TPD52: variants seen among roughly 807,000 people sequenced by gnomAD.
The protein encoded by TPD52 is prostate and colon associated protein.
TPD52 carries 17 observed loss-of-function variants against 31.3 expected under a neutral mutation model. The observed-to-expected ratio is 0.54, with a 90% CI of 0.37 to 0.82. The LOEUF is 0.82. Ranked by LOEUF, TPD52 falls within the 40% of genes least tolerant of loss-of-function variation. TPD52 has a pLI of 0.00. For missense variants in TPD52, 212 were observed against 240.1 expected (o/e 0.88, Z 0.77); for synonymous variants, 83 against 89.6 (o/e 0.93, Z 0.42).
chr8:80,133,364 C>T (rs544741827), intron 1 of TPD52, among the ~76,000 whole-genome samples: 4 of 152,170 alleles, frequency 2.6e-5, no homozygotes, highest in South Asian at 4.2e-4. Context: ...GGACTGCTAC[C>T]ACCACCCATG....
At chr8:80,043,701 T>C (rs1376523457) in intron 6 of TPD52, among the ~76,000 whole-genome samples, 3 of 152,274 alleles carry the variant, frequency 2.0e-5, no homozygotes, top group East Asian at 3.9e-4. Flanking sequence ...TCTAACTCTC[T>C]AGAGAGGTTA....
At chr8:80,048,354 C>T (rs1306655138) in intron 5 of TPD52, among the ~76,000 whole-genome samples, 1 of 152,216 alleles carries the variant, frequency 6.6e-6, no homozygotes, top group African/African-American at 2.4e-5. Flanking sequence ...GTTGGCAAAA[C>T]TGCTGCATTT....
rs533614221 is a variant in TPD52 at position 80,169,016 on chromosome 8, G to A, written c.19+2409C>T. 2.0e-4 allele frequency among the ~76,000 whole-genome samples: 30 copies of A among 152,240 alleles called. No homozygotes were observed. The South Asian group carries it at 5.8e-3, about 29-fold the overall frequency. On this transcript the variant is annotated intron_variant, in intron 1 of 7. Transcript: ENST00000518937. Reference sequence around the variant, plus strand: ...TGTTTGTTTTTTGAGATAGAGTCTCGCTCTGTCGCCCAGGCTGGAGTGCAG... The same window carrying A: ...TGTTTGTTTTTTGAGATAGAGTCTCACTCTGTCGCCCAGGCTGGAGTGCAG...
chr8:80,160,008 T>G (rs183760656), intron 1 of TPD52, among the ~76,000 whole-genome samples: 1 of 152,004 alleles, frequency 6.6e-6, no homozygotes, highest in African/African-American at 2.4e-5. Flanking sequence ...CTGGGCAACA[T>G]AGTAAGACCT....
chr8:80,050,370 A>G, intron 5 of TPD52, 75 bp downstream of exon 5: 2 of 1,428,942 alleles, frequency 1.4e-6, no homozygotes, highest in South Asian at 1.3e-5. Flanking sequence ...CATCCAACGT[A>G]GCATGGTAAT....
At chr8:80,103,386 T>C (rs1261281962) in intron 1 of TPD52, among the ~76,000 whole-genome samples, 1 of 152,262 alleles carries the variant, frequency 6.6e-6, no homozygotes, top group Non-Finnish European at 1.5e-5. Flanking sequence ...GTGTTGCTTC[T>C]GCAAATACTT....
At chr8:80,157,909 G>A (rs1478476552) in intron 1 of TPD52, among the ~76,000 whole-genome samples, 3 of 152,108 alleles carry the variant, frequency 2.0e-5, no homozygotes, top group African/African-American at 7.2e-5. Context: ...TGCATTAAAA[G>A]CATCTTAACT....
At chr8:80,060,030 A>C (rs1469268263) in intron 2 of TPD52, among the ~76,000 whole-genome samples, 2 of 151,236 alleles carry the variant, frequency 1.3e-5, no homozygotes, top group Non-Finnish European at 2.9e-5. Flanking sequence ...GCAGTGTGCC[A>C]AGACTGCTGC....
At chr8:80,137,953 C>CT (rs939799830) in intron 1 of TPD52, among the ~76,000 whole-genome samples, 15 of 148,654 alleles carry the variant, frequency 1.0e-4, no homozygotes, top group Non-Finnish European at 3.0e-5. Flanking sequence ...TTTTTTTTTT[C>CT]TTTTTTTTGA....
intron 1 of TPD52, among the ~76,000 whole-genome samples, chr8:80,158,275 AC>A (rs2131238320): frequency 6.6e-6 from 1 of 150,710 alleles, no homozygotes; most frequent in African/African-American, 2.4e-5. Context: ...CTCCTCTTCA[AC>A]CCCAACCCAA....
At chr8:80,157,754 C>T (rs1811072167) in intron 1 of TPD52, among the ~76,000 whole-genome samples, 1 of 152,182 alleles carries the variant, frequency 6.6e-6, no homozygotes, top group Non-Finnish European at 1.5e-5. Context: ...TCATACCACC[C>T]AGGGAAAGTA....
At chr8:80,055,470 CAT>C (rs1234269576) in intron 2 of TPD52, among the ~76,000 whole-genome samples, 3 of 151,998 alleles carry the variant, frequency 2.0e-5, no homozygotes, top group African/African-American at 7.2e-5. Context: ...TAGAAGAAAA[CAT>C]AGGAGAAACA....
chr8:80,147,394 C>A (rs1483111894), intron 1 of TPD52, among the ~76,000 whole-genome samples: 1 of 152,112 alleles, frequency 6.6e-6, no homozygotes, highest in Admixed American at 6.5e-5. Context: ...CAAAAAACCA[C>A]GTCCAATCAG....
intron 1 of TPD52, among the ~76,000 whole-genome samples, chr8:80,142,149 T>G (rs780360510): frequency 6.6e-6 from 1 of 152,178 alleles, no homozygotes; most frequent in Non-Finnish European, 1.5e-5. Flanking sequence ...TGGGTCAGTC[T>G]CTAACAGTGA....
intron 1 of TPD52, among the ~76,000 whole-genome samples, chr8:80,140,918 C>T (rs962634815): frequency 6.6e-5 from 10 of 150,494 alleles, no homozygotes; most frequent in Non-Finnish European, 1.3e-4. Flanking sequence ...GAAGAACAGA[C>T]CAAGAGGAGC....
intron 5 of TPD52, among the ~76,000 whole-genome samples, chr8:80,047,319 C>G (rs770007010): frequency 1.3e-5 from 2 of 152,156 alleles, no homozygotes; most frequent in Non-Finnish European, 2.9e-5. Flanking sequence ...TTCTGAGGTA[C>G]TATTGTCTCG....
At chr8:80,128,890 T>C (rs1032317113) in intron 1 of TPD52, among the ~76,000 whole-genome samples, 2 of 151,946 alleles carry the variant, frequency 1.3e-5, no homozygotes, top group Non-Finnish European at 2.9e-5. Flanking sequence ...TGGGTTTTTT[T>C]TTTCAGGAAG....
chr8:80,080,509 G>C lies in TPD52; in HGVS notation c.20-15916C>G, dbSNP rs1463447652. 1.9e-6 allele frequency: 3 copies of C among 1,600,620 alleles called. No homozygotes were observed. In the Admixed American group the frequency reaches 5.1e-5, roughly 27 times the overall value. ...AATCGCCTGATATCAGCCTTCAGTT[G>C]AGTGCCGCTTTGGCCATATTCCCTT... On this transcript the variant is annotated intron_variant, in intron 1 of 7. Coordinates refer to ENST00000518937, the MANE Select transcript of TPD52 (RefSeq NM_001025253.3).
At chr8:80,094,486 GT>G (rs1816577827) in intron 1 of TPD52, among the ~76,000 whole-genome samples, 1 of 53,484 alleles carries the variant, frequency 1.9e-5, no homozygotes, top group Non-Finnish European at 4.4e-5. Context: ...ATATATATAT[GT>G]ATGTATATAT....
Sources: allele counts gnomAD v4.1 joint callset (sites outside exome capture counted in the v4.1 genomes callset), GRCh38; gene constraint gnomAD v4.1.1; transcripts MANE v1.5; gene names NCBI Gene and HGNC (gene_info 2026-07-23, HGNC 2026-07-21).